Variants in PLCB4 observed in about 807,000 individuals in gnomAD.
The protein encoded by PLCB4 is 1-phosphatidylinositol 4,5-bisphosphate phosphodiesterase beta-4.
In PLCB4, 77 loss-of-function variants were observed where a neutral mutation model predicts 178.8. The ratio of observed to expected loss-of-function variants is 0.43; its 90% CI spans 0.36 to 0.52. The LOEUF is 0.52. Ranked by LOEUF, PLCB4 falls within the 20% of genes least tolerant of loss-of-function variation. The pLI is 0.00. For synonymous variants in PLCB4, 496 were observed against 490.8 expected, an observed-to-expected ratio of 1.01 and a Z score of -0.14; for missense variants, 1,024 against 1,453.4, an observed-to-expected ratio of 0.70 and a Z score of 4.80.
At chr20:9,300,860 A>G (rs1293709465) in intron 3 of PLCB4, among the ~76,000 whole-genome samples, 3 of 152,092 alleles carry the variant, frequency 2.0e-5, no homozygotes, top group Non-Finnish European at 4.4e-5. Context: ...TTTCTGGGCT[A>G]CTATAAAAAA....
At chr20:9,254,417 G>A (rs6086825) in intron 3 of PLCB4, among the ~76,000 whole-genome samples, 49 of 152,258 alleles carry the variant, frequency 3.2e-4, no homozygotes, top group East Asian at 1.2e-3. Context: ...TGTCTTGGCC[G>A]GGCGTGGTGG....
intron 36 of PLCB4, among the ~76,000 whole-genome samples, chr20:9,471,408 A>G (rs1477340373): frequency 3.3e-5 from 5 of 152,200 alleles, no homozygotes; most frequent in Non-Finnish European, 7.3e-5. Flanking sequence ...ACTAAAGAAG[A>G]GAGAGAAAGC....
chr20:9,199,174 A>C (rs2093510460), intron 2 of PLCB4, among the ~76,000 whole-genome samples: 1 of 150,524 alleles, frequency 6.6e-6, no homozygotes, highest in South Asian at 2.1e-4. Flanking sequence ...TTTGTGTGTC[A>C]TTTCTTTTGG....
At chr20:9,251,871 A>G (rs2094184660) in intron 3 of PLCB4, among the ~76,000 whole-genome samples, 1 of 152,226 alleles carries the variant, frequency 6.6e-6, no homozygotes, top group Non-Finnish European at 1.5e-5. Flanking sequence ...AATTTTAATT[A>G]TATATTTTAT....
At chr20:9,292,351 G>C (rs1286217582) in intron 3 of PLCB4, among the ~76,000 whole-genome samples, 3 of 152,202 alleles carry the variant, frequency 2.0e-5, no homozygotes, top group Admixed American at 2.0e-4. Context: ...AAGGGCAAAT[G>C]AAGGGCAAAG....
intron 4 of PLCB4, among the ~76,000 whole-genome samples, chr20:9,325,162 C>T (rs893230737): frequency 2.0e-5 from 3 of 152,214 alleles, no homozygotes; most frequent in Middle Eastern, 3.4e-3. Flanking sequence ...GCGGTGTTTC[C>T]GGTGCAACTA....
chr20:9,266,920 G>T (rs1291076172), intron 3 of PLCB4, among the ~76,000 whole-genome samples: 1 of 152,118 alleles, frequency 6.6e-6, no homozygotes, highest in East Asian at 1.9e-4. Context: ...TTAAGGATCT[G>T]CAGAAGAACC....
rs534907671 is a variant in PLCB4 at position 9,328,345 on chromosome 20, G to A, written c.85-8781G>A. On this transcript the variant is annotated intron_variant, in intron 4 of 39. Transcript: ENST00000378473. ...GGAACAGAGTTTTTCCTGGTCCTAG[G>A]ATCTGAAAAAAAATTCTTACAGAAT... Among the ~76,000 whole-genome samples the A allele has an allele frequency of 2.8e-4, 42 of 152,076 alleles. No individual in the cohort carries two copies. The Middle Eastern group carries it at 0.017, about 62-fold the overall frequency.
intron 4 of PLCB4, among the ~76,000 whole-genome samples, chr20:9,323,283 A>G (rs2029863141): frequency 6.6e-6 from 1 of 152,080 alleles, no homozygotes; most frequent in African/African-American, 2.4e-5. Flanking sequence ...CACATTCTCC[A>G]AGAGGCCTTC....
chr20:9,194,444 T>C (rs905461436), intron 2 of PLCB4, among the ~76,000 whole-genome samples: 1 of 152,060 alleles, frequency 6.6e-6, no homozygotes, highest in East Asian at 1.9e-4. Flanking sequence ...CCCAGCACTT[T>C]GGGAGGACAA....
chr20:9,286,440 T>C (rs2094537214), intron 3 of PLCB4, among the ~76,000 whole-genome samples: 1 of 152,066 alleles, frequency 6.6e-6, no homozygotes, highest in South Asian at 2.1e-4. Context: ...CTCTGGCTTC[T>C]GGTTTTACTT....
chr20:9,282,852 A>G (rs553629311), intron 3 of PLCB4, among the ~76,000 whole-genome samples: 150 of 152,106 alleles, frequency 9.9e-4, no homozygotes, highest in Non-Finnish European at 1.9e-3. Flanking sequence ...TGAGACTTCT[A>G]TGTGGCCTCT....
At chr20:9,277,326 G>C (rs2094458655) in intron 3 of PLCB4, among the ~76,000 whole-genome samples, 1 of 152,042 alleles carries the variant, frequency 6.6e-6, no homozygotes, top group South Asian at 2.1e-4. Flanking sequence ...ACAAAACAGA[G>C]GAAAAGCGAA....
At chr20:9,185,575 C>T (rs2147111419) in intron 2 of PLCB4, among the ~76,000 whole-genome samples, 1 of 152,250 alleles carries the variant, frequency 6.6e-6, no homozygotes, top group Admixed American at 6.5e-5. Context: ...GTTCTGCACT[C>T]AGCACCGAAA....
At chr20:9,377,481 T>C (rs1470887841) in intron 12 of PLCB4, among the ~76,000 whole-genome samples, 1 of 152,196 alleles carries the variant, frequency 6.6e-6, no homozygotes, top group African/African-American at 2.4e-5. Context: ...ATGCAAATCT[T>C]ATATTTGTTT....
intron 2 of PLCB4, among the ~76,000 whole-genome samples, chr20:9,178,179 G>A (rs1296831629): frequency 6.6e-6 from 1 of 152,144 alleles, no homozygotes; most frequent in East Asian, 1.9e-4. Flanking sequence ...GCATTAGCTG[G>A]CTGTGGTGGC....
chr20:9,370,388 C>G (rs1185984608), intron 9 of PLCB4, among the ~76,000 whole-genome samples: 1 of 152,058 alleles, frequency 6.6e-6, no homozygotes, highest in Non-Finnish European at 1.5e-5. Flanking sequence ...AAAACAAGAA[C>G]AAAATATGTC....
At chr20:9,288,530 C>T (rs1362975595) in intron 3 of PLCB4, among the ~76,000 whole-genome samples, 1 of 151,608 alleles carries the variant, frequency 6.6e-6, no homozygotes, top group Admixed American at 6.6e-5. Flanking sequence ...CATATTTGGA[C>T]ATCTGGAATA....
At chr20:9,391,707 C>T (rs1423759438) in intron 17 of PLCB4, among the ~76,000 whole-genome samples, 3 of 152,214 alleles carry the variant, frequency 2.0e-5, no homozygotes, top group Non-Finnish European at 4.4e-5. Flanking sequence ...CCACTGCCAA[C>T]ATCCACAGCT....
Sources: allele counts gnomAD v4.1 joint callset (sites outside exome capture counted in the v4.1 genomes callset), GRCh38; gene constraint gnomAD v4.1.1; transcripts MANE v1.5; gene names NCBI Gene and HGNC (gene_info 2026-07-23, HGNC 2026-07-21).